TANC1: variants seen among roughly 807,000 people sequenced by gnomAD.
The protein encoded by TANC1 is tetratricopeptide repeat, ankyrin repeat and coiled-coil containing 1.
A neutral mutation model predicts 149.7 loss-of-function variants in TANC1; 77 were observed. The observed-to-expected ratio is 0.51, with a 90% CI of 0.43 to 0.62. TANC1 has a LOEUF of 0.62. TANC1 is among the 20% of genes least tolerant of loss of function. The probability of loss-of-function intolerance (pLI) is 0.00; values close to 1 mark genes in which losing one functional copy is unlikely to be tolerated. For synonymous variants in TANC1, 854 were observed against 925.0 expected, an observed-to-expected ratio of 0.92 and a Z score of 1.39; for missense variants, 1,985 against 2,321.8, an observed-to-expected ratio of 0.85 and a Z score of 2.98.
At chr2:159,132,731 C>T (rs2050235203) in intron 4 of TANC1, among the ~76,000 whole-genome samples, 1 of 149,072 alleles carries the variant, frequency 6.7e-6, no homozygotes, top group South Asian at 2.1e-4. Context: ...ACTCATGAGG[C>T]AATCCACCCA....
chr2:159,023,215 G>A (rs2038969341), intron 2 of TANC1, among the ~76,000 whole-genome samples: 1 of 151,954 alleles, frequency 6.6e-6, no homozygotes, highest in Non-Finnish European at 1.5e-5. Flanking sequence ...TTGTCCAGGT[G>A]GAATAAAAGG....
rs56371967 is a variant in TANC1 at position 159,181,072 on chromosome 2, C to T, written c.2510+1909C>T. Reference sequence around the variant, plus strand: ...AAAGCAGAAAATTTCAACCCTCAGACAAAGACAGTTCATTTTTTATTTCTG... The same window carrying T: ...AAAGCAGAAAATTTCAACCCTCAGATAAAGACAGTTCATTTTTTATTTCTG... On this transcript the variant is annotated intron_variant, in intron 14 of 26. Transcript: ENST00000263635. 9.3e-3 allele frequency among the ~76,000 whole-genome samples: 1,415 copies of T among 152,298 alleles called. 25 individuals are homozygous for T. Among genetic ancestry groups the T allele is most frequent in the African/African-American group, 0.032 (1,325 of 41,558 alleles).
At chr2:159,094,056 T>C (rs182541187) in intron 3 of TANC1, among the ~76,000 whole-genome samples, 21 of 152,346 alleles carry the variant, frequency 1.4e-4, no homozygotes, top group African/African-American at 4.6e-4. Context: ...TGGTGGTACA[T>C]GTATTTCTCC....
chr2:158,975,130 G>A (rs1163454317), intron 1 of TANC1, among the ~76,000 whole-genome samples: 1 of 151,846 alleles, frequency 6.6e-6, no homozygotes, highest in Non-Finnish European at 1.5e-5. Context: ...TTGTTATTCT[G>A]TATTGTTTTA....
chr2:159,106,382 A>T (rs2047186169), intron 4 of TANC1, among the ~76,000 whole-genome samples: 1 of 152,176 alleles, frequency 6.6e-6, no homozygotes, highest in Non-Finnish European at 1.5e-5. Flanking sequence ...TGATTTGCTT[A>T]TTCTGGTCAT....
chr2:158,984,596 C>T (rs921689925), intron 1 of TANC1, among the ~76,000 whole-genome samples: 2 of 152,110 alleles, frequency 1.3e-5, no homozygotes, highest in Non-Finnish European at 2.9e-5. Context: ...GGGTTTGAGG[C>T]CCAGTGCTGT....
At chr2:158,981,800 G>A (rs919042446) in intron 1 of TANC1, among the ~76,000 whole-genome samples, 3 of 151,630 alleles carry the variant, frequency 2.0e-5, no homozygotes, top group African/African-American at 7.3e-5. Flanking sequence ...ATACTCCATA[G>A]ACACTTATTT....
chr2:159,007,183 G>C (rs77678504), intron 2 of TANC1, among the ~76,000 whole-genome samples: 10,016 of 64,848 alleles, frequency 0.15, 545 homozygotes, highest in East Asian at 0.32. Flanking sequence ...TTTTGCTCTT[G>C]TTGCCCAGGC....
chr2:159,224,122 G>C, intron 22 of TANC1, 110 bp from the exon 23 acceptor site: 2 of 1,269,596 alleles, frequency 1.6e-6, no homozygotes, highest in Non-Finnish European at 1.1e-6. Flanking sequence ...ATCCTTAATA[G>C]GCAGAGGCAT....
chr2:159,072,174 G>A (rs1259691754), intron 3 of TANC1, among the ~76,000 whole-genome samples: 1 of 152,206 alleles, frequency 6.6e-6, no homozygotes, highest in African/African-American at 2.4e-5. Flanking sequence ...TAGAGGTGGG[G>A]TTTTGCCATG....
At chr2:159,065,076 G>T (rs548223751) in intron 2 of TANC1, among the ~76,000 whole-genome samples, 12 of 152,306 alleles carry the variant, frequency 7.9e-5, no homozygotes, top group African/African-American at 2.9e-4. Flanking sequence ...TTAGCAGTGG[G>T]GAGAGAGAGC....
intron 4 of TANC1, among the ~76,000 whole-genome samples, chr2:159,100,995 C>T (rs1422623896): frequency 6.6e-6 from 1 of 152,106 alleles, no homozygotes; most frequent in Non-Finnish European, 1.5e-5. Context: ...CTGCAGCACC[C>T]AGAGGTATGG....
chr2:159,025,384 T>C (rs2039253005), intron 2 of TANC1, among the ~76,000 whole-genome samples: 1 of 152,078 alleles, frequency 6.6e-6, no homozygotes, highest in African/African-American at 2.4e-5. Flanking sequence ...TACCATACAT[T>C]AGATCTCTAG....
intron 3 of TANC1, among the ~76,000 whole-genome samples, chr2:159,079,529 C>A (rs1256347298): frequency 6.6e-6 from 1 of 152,048 alleles, no homozygotes; most frequent in Non-Finnish European, 1.5e-5. Context: ...ATGTTTTGGG[C>A]AGTATAGCAG....
chr2:159,135,423 G>A (rs1263643987), intron 4 of TANC1, among the ~76,000 whole-genome samples: 1 of 152,266 alleles, frequency 6.6e-6, no homozygotes, highest in Non-Finnish European at 1.5e-5. Context: ...CATAGGAGTA[G>A]AACTGCAGGG....
intron 3 of TANC1, among the ~76,000 whole-genome samples, chr2:159,071,886 G>C (rs959663183): frequency 6.6e-6 from 1 of 152,170 alleles, no homozygotes; most frequent in African/African-American, 2.4e-5. Flanking sequence ...TCAGTATAAA[G>C]GTATTGTATT....
At chr2:158,988,839 C>T (rs2035310946) in intron 1 of TANC1, among the ~76,000 whole-genome samples, 2 of 152,148 alleles carry the variant, frequency 1.3e-5, no homozygotes, top group African/African-American at 4.8e-5. Context: ...GTCGACTGGA[C>T]CCCTGCCACC....
intron 3 of TANC1, among the ~76,000 whole-genome samples, chr2:159,090,947 C>T (rs2045466953): frequency 2.0e-5 from 3 of 151,922 alleles, no homozygotes; most frequent in African/African-American, 7.3e-5. Flanking sequence ...GGGTACCTCC[C>T]AAAAGGAGTG....
intron 7 of TANC1, 116 bp from the exon 8 acceptor site, chr2:159,163,167 A>G (rs2150403316): frequency 9.7e-7 from 1 of 1,033,406 alleles, no homozygotes; most frequent in East Asian, 2.6e-5. Context: ...TTTGATAAAA[A>G]TCTGTGTGGA....
Sources: gnomAD v4.1 joint callset for allele counts (sites outside exome capture counted in the v4.1 genomes callset) on GRCh38, gnomAD v4.1.1 for gene constraint, MANE v1.5 for transcripts, NCBI Gene and HGNC (gene_info 2026-07-23, HGNC 2026-07-21) for gene names.